COG8: variants seen among roughly 807,000 people sequenced by gnomAD.
COG8 encodes conserved oligomeric Golgi complex subunit 8.
In COG8, 45 loss-of-function variants were observed where a neutral mutation model predicts 46.5. The observed-to-expected ratio is 0.97, with a 90% confidence interval of 0.76 to 1.24. The LOEUF (loss-of-function observed/expected upper bound fraction) is 1.24, where lower values mean the gene tolerates loss of function less well. COG8 is among the 50% of genes most tolerant of loss of function. The pLI is 0.00. For missense variants in COG8, 793 were observed against 820.8 expected (o/e 0.97, Z 0.41); for synonymous variants, 407 against 347.8 (o/e 1.17, Z -1.90).
chr16:69,335,680 G>A (rs1478538554), intron 2 of COG8, among the ~76,000 whole-genome samples: 1 of 152,070 alleles, frequency 6.6e-6, no homozygotes, highest in African/African-American at 2.4e-5. Flanking sequence ...GGTGGGTGTG[G>A]TGGTGCAGGC....
At chr16:69,337,756 G>A (rs1188453093) in intron 1 of COG8, among the ~76,000 whole-genome samples, 2 of 147,564 alleles carry the variant, frequency 1.4e-5, no homozygotes, top group African/African-American at 2.5e-5. Flanking sequence ...TTTTTGAGAC[G>A]GAGTCTTGCT....
At chr16:69,339,038 G>A in intron 1 of COG8, 138 bp downstream of exon 1, 1 of 1,184,432 alleles carries the variant, frequency 8.4e-7, no homozygotes, top group East Asian at 2.4e-5. Context: ...GAAGGCTGTT[G>A]TGAGGTTTAA....
chr16:69,329,967 T>C, intron 5 of COG8: 1 of 1,505,208 alleles, frequency 6.6e-7, no homozygotes, highest in Non-Finnish European at 8.9e-7. Flanking sequence ...CGCGCGCTGC[T>C]CCAGCAGCCC....
chr16:69,330,747 C>G (rs914951877), intron 5 of COG8, 66 bp downstream of exon 5: 31 of 1,437,732 alleles, frequency 2.2e-5, no homozygotes, highest in African/African-American at 8.7e-5. Flanking sequence ...TCCCGCCTCC[C>G]GAACCCGCCC....
chr16:69,331,122 T>C (rs1160855778), intron 4 of COG8, 27 bp from the exon 5 acceptor site: 7 of 1,612,006 alleles, frequency 4.3e-6, no homozygotes, highest in Non-Finnish European at 5.9e-6. Context: ...GAAAGCAAAA[T>C]GGAAAACAGT....
Position 69,326,760 on chromosome 16 carries a change from C to G in COG8, c.*2446G>C, listed in dbSNP as rs1294569376. 1 of 152,222 alleles carries G rather than the reference C, an allele frequency of 6.6e-6. No homozygotes were observed. Among genetic ancestry groups the G allele is most frequent in the Non-Finnish European group, 1.5e-5 (1 of 68,046 alleles). The allele number at this position is 152,222 out of a possible 1,614,324, so 9.4% of individuals were successfully genotyped here. On this transcript the variant is annotated 3_prime_UTR_variant, in exon 6 of 6. Coordinates refer to ENST00000306875, the MANE Select transcript of COG8 (RefSeq NM_032382.5). Reference sequence around the variant, plus strand: ...CCCTGAAATGCTCTGAAATTCACTTCTCTGCCTGGGGATTCTGTTATAAAC... The same window carrying G: ...CCCTGAAATGCTCTGAAATTCACTTGTCTGCCTGGGGATTCTGTTATAAAC...
chr16:69,339,137 TAC>T (rs775359781), intron 1 of COG8, 37 bp downstream of exon 1: 7 of 1,612,552 alleles, frequency 4.3e-6, no homozygotes, highest in Non-Finnish European at 5.1e-6. Flanking sequence ...TGTCAGCTTT[TAC>T]AGTTATAAAA....
chr16:69,332,500 C>A, intron 4 of COG8: 1 of 628,950 alleles, frequency 1.6e-6, no homozygotes, highest in South Asian at 1.9e-5. Context: ...CCAGAAGAGG[C>A]AAATCTATGG....
chr16:69,329,751 G>A (rs752705649), intron 5 of COG8, among the ~76,000 whole-genome samples: 4 of 152,228 alleles, frequency 2.6e-5, no homozygotes, highest in Non-Finnish European at 4.4e-5. Flanking sequence ...CAAGGGAGCA[G>A]AAAGCAGACG....
intron 3 of COG8, among the ~76,000 whole-genome samples, chr16:69,333,888 G>A (rs1254484159): frequency 1.3e-5 from 2 of 152,220 alleles, no homozygotes; most frequent in Non-Finnish European, 2.9e-5. Flanking sequence ...GGGTTTTGTA[G>A]ATGTAATTAA....
chr16:69,335,709 G>A (rs867541248), intron 2 of COG8, among the ~76,000 whole-genome samples: 2 of 151,850 alleles, frequency 1.3e-5, no homozygotes, highest in African/African-American at 2.4e-5. Flanking sequence ...CCGGTTACTC[G>A]GGAGGCAGAG....
intron 2 of COG8, among the ~76,000 whole-genome samples, chr16:69,336,230 T>C (rs1376478150): frequency 6.6e-6 from 1 of 152,202 alleles, no homozygotes; most frequent in Non-Finnish European, 1.5e-5. Context: ...TGAAATGATA[T>C]CATTTCTTTG....
In COG8 at chr16:69,327,901, C is replaced by G. The variant is rs1176337276; in HGVS notation, c.*1305G>C. On this transcript the variant is annotated 3_prime_UTR_variant, in exon 6 of 6. Transcript: ENST00000306875. Reference sequence around the variant, plus strand: ...CAAGTTCCTTCACCTCTTGACAAGACAAAGCTGACACTTTTTTTTTTTGAG... The same window carrying G: ...CAAGTTCCTTCACCTCTTGACAAGAGAAAGCTGACACTTTTTTTTTTTGAG... 1 of 151,258 alleles carries G rather than the reference C, an allele frequency of 6.6e-6. No individual in the cohort carries two copies. The highest frequency in any genetic ancestry group is 2.4e-5 in the African/African-American group (1 of 41,160). 9.4% of individuals were successfully genotyped at this position (151,258 alleles called of 1,614,324 possible).
chr16:69,336,490 G>C lies in COG8; in HGVS notation c.585+15C>G. The C allele has an allele frequency of 6.2e-7, 1 of 1,612,472 alleles. No individual in the cohort carries two copies. Among genetic ancestry groups the C allele is most frequent in the Non-Finnish European group, 8.5e-7 (1 of 1,178,824 alleles). On this transcript the variant is annotated intron_variant, in intron 2 of 5. Coordinates refer to ENST00000306875, the MANE Select transcript of COG8 (RefSeq NM_032382.5). ...AAGAACATTACTTTGAGTCCTCTCT[G>C]GGCAAGGTGGCTACCTGGATGACAG...
intron 4 of COG8, among the ~76,000 whole-genome samples, chr16:69,331,903 G>A (rs1277410423): frequency 6.6e-6 from 1 of 152,218 alleles, no homozygotes; most frequent in Non-Finnish European, 1.5e-5. Context: ...TAGGGTGCCT[G>A]CAGCAGGAAC....
Position 69,328,713 on chromosome 16 carries a change from G to T in COG8, c.*493C>A. On this transcript the variant is annotated 3_prime_UTR_variant, in exon 6 of 6. Coordinates refer to ENST00000306875, the MANE Select transcript of COG8 (RefSeq NM_032382.5). ...AACCTTGGCTTTGGGAGATTATACA[G>T]GTCCGAGGAACTCGTGTCTACTGCA... 1 of 335,788 alleles carries T rather than the reference G, an allele frequency of 3.0e-6. No individual in the cohort carries two copies. The highest frequency in any genetic ancestry group is 5.4e-6 in the Non-Finnish European group (1 of 184,306). The allele number at this position is 335,788 out of a possible 1,614,324, so 20.8% of individuals were successfully genotyped here. A position where few individuals can be genotyped will look rare whatever the true frequency, so the allele number is the denominator to read the frequency against.
chr16:69,330,427 A>C, intron 5 of COG8: 1 of 1,476,360 alleles, frequency 6.8e-7, no homozygotes, highest in Non-Finnish European at 8.9e-7. Context: ...GGTGGCGCCA[A>C]TAGGAGCGCC....
In COG8 at chr16:69,339,230, T is replaced by C. The variant is rs777193652; in HGVS notation, c.323A>G (p.Glu108Gly). Residue 108 changes from glutamate (E) to glycine (G), a missense_variant, in exon 1 of 6, where the codon GAG becomes GGG. Glu to Gly is a moderately conservative substitution (Grantham distance 98). Coordinates refer to ENST00000306875, the MANE Select transcript of COG8 (RefSeq NM_032382.5). Reference protein sequence around the residue: ...ERIHRLFGDVEASLGRLLDRL... With the variant: ...ERIHRLFGDVGASLGRLLDRL... ...GTCGAGCAGGCGGCCGAGCGACGCCTCCACGTCGCCAAACAGGCGGTGGAT... is the reference window on the plus strand; with the variant it reads ...GTCGAGCAGGCGGCCGAGCGACGCCCCCACGTCGCCAAACAGGCGGTGGAT... The C allele has an allele frequency of 6.2e-7, 1 of 1,612,754 alleles. No homozygotes were observed. The highest frequency in any genetic ancestry group is 8.5e-7 in the Non-Finnish European group (1 of 1,179,854).
At chr16:69,329,203 G>A in intron 5 of COG8, 24 bp from the exon 6 acceptor site, 3 of 1,564,676 alleles carry the variant, frequency 1.9e-6, no homozygotes, top group Non-Finnish European at 2.6e-6. Flanking sequence ...TACAGCCCTG[G>A]TGAGTGGGAA....
Sources: allele counts gnomAD v4.1 joint callset (sites outside exome capture counted in the v4.1 genomes callset), GRCh38; gene constraint gnomAD v4.1.1; transcripts MANE v1.5; gene names NCBI Gene and HGNC (gene_info 2026-07-23, HGNC 2026-07-21).